Variants in CD33 observed in about 807,000 individuals in gnomAD.
CD33 encodes myeloid cell surface antigen CD33.
CD33 carries 25 observed loss-of-function variants against 31.4 expected under a neutral mutation model. The ratio of observed to expected loss-of-function variants is 0.80; its 90% CI spans 0.58 to 1.11. The LOEUF is 1.11. Among genes scored for constraint, CD33 ranks in the 50% most tolerant of loss-of-function variants. The probability of loss-of-function intolerance (pLI) is 0.00; values close to 1 mark genes in which losing one functional copy is unlikely to be tolerated. For missense variants in CD33, 407 were observed against 448.1 expected (o/e 0.91, Z 0.83); for synonymous variants, 176 against 180.6 (o/e 0.97, Z 0.20).
chr19:51,211,812 A>T, the CD33 span: 1 of 921,806 alleles, frequency 1.1e-6, no homozygotes, highest in Non-Finnish European at 1.8e-6. Flanking sequence ...CAGGCCCAGC[A>T]TCTTCATCCC....
At chr19:51,223,019 G>A (rs993479165), upstream of CD33, among the ~76,000 whole-genome samples, 1 of 152,078 alleles carries the variant, frequency 6.6e-6, no homozygotes, top group Non-Finnish European at 1.5e-5. Flanking sequence ...TTCAAGATCA[G>A]CCTGGGGGAA....
chr19:51,211,806 C>T, the CD33 span: 1 of 889,676 alleles, frequency 1.1e-6, no homozygotes, highest in Non-Finnish European at 1.9e-6. Flanking sequence ...GACCCACAGG[C>T]CCAGCATCTT....
At chr19:51,218,313 CT>C in the CD33 span, among the ~76,000 whole-genome samples, 1 of 152,210 alleles carries the variant, frequency 6.6e-6, no homozygotes, top group Non-Finnish European at 1.5e-5. Context: ...TTCTTGGCCA[CT>C]TGTATGTCTT....
chr19:51,219,006 G>T, the CD33 span, among the ~76,000 whole-genome samples: 1 of 151,740 alleles, frequency 6.6e-6, no homozygotes, highest in African/African-American at 2.4e-5. Context: ...TGGTAATTTG[G>T]GTTCTTTTTG....
chr19:51,212,717 T>C, the CD33 span, among the ~76,000 whole-genome samples: 3 of 152,184 alleles, frequency 2.0e-5, no homozygotes, highest in African/African-American at 7.2e-5. Context: ...TACAGTCTCA[T>C]GGGAAGAACT....
the CD33 span, chr19:51,211,729 G>T: frequency 2.6e-6 from 2 of 781,304 alleles, no homozygotes; most frequent in East Asian, 4.9e-5. Flanking sequence ...CAGAACCTGA[G>T]CTTCCCTCAG....
intron 2 of CD33, 91 bp downstream of exon 2, chr19:51,225,689 TA>T: frequency 2.6e-6 from 4 of 1,535,316 alleles, no homozygotes; most frequent in Non-Finnish European, 3.5e-6. Flanking sequence ...GGGAGGGGTT[TA>T]GGGGTAAAGC....
At chr19:51,224,932 G>A (rs566557404), upstream of CD33, 25 of 713,748 alleles carry the variant, frequency 3.5e-5, no homozygotes, top group Middle Eastern at 7.8e-4. Flanking sequence ...GGCATCTCTG[G>A]CCCATGAGGG....
upstream of CD33, among the ~76,000 whole-genome samples, chr19:51,224,598 A>G (rs1980853335): frequency 6.6e-6 from 1 of 152,176 alleles, no homozygotes; most frequent in Admixed American, 6.5e-5. Flanking sequence ...ATGAATGAAT[A>G]AATGAATGGC....
chr19:51,239,764 G>A lies in CD33; in HGVS notation c.*76G>A, dbSNP rs1327799303. The stretch of plus-strand genomic sequence containing the variant: ...GTCGGGGACCAAAGGCTGATTCTTG[G>A]AGATTTAACACCCCACAGGCAATGG... On this transcript the variant is annotated 3_prime_UTR_variant, in exon 7 of 7. Transcript: ENST00000262262. 2 of 1,209,202 alleles carry A rather than the reference G, an allele frequency of 1.7e-6. No individual in the cohort carries two copies. The highest frequency in any genetic ancestry group is 1.5e-5 in the African/African-American group (1 of 65,492). The allele number at this position is 1,209,202 out of a possible 1,614,324, so 74.9% of individuals were successfully genotyped here.
intron 4 of CD33, among the ~76,000 whole-genome samples, chr19:51,234,316 G>A (rs976033947): frequency 1.2e-4 from 18 of 152,106 alleles, no homozygotes; most frequent in Admixed American, 4.6e-4. Flanking sequence ...TTACATTAAA[G>A]TTCACTCTTG....
At chr19:51,212,821 C>T in the CD33 span, among the ~76,000 whole-genome samples, 4 of 152,184 alleles carry the variant, frequency 2.6e-5, no homozygotes, top group Non-Finnish European at 5.9e-5. Flanking sequence ...TTGGTGTGTT[C>T]ACCTGAAGGA....
chr19:51,235,954 T>G (rs573035152), intron 6 of CD33: 10 of 693,262 alleles, frequency 1.4e-5, no homozygotes, highest in East Asian at 5.4e-5. Context: ...GTCAGGAGAT[T>G]GAGACTATCC....
chr19:51,221,609 C>T (rs1980690583), upstream of CD33, among the ~76,000 whole-genome samples: 1 of 152,172 alleles, frequency 6.6e-6, no homozygotes, highest in Admixed American at 6.5e-5. Flanking sequence ...TAAATTTAAA[C>T]TGAACACTTA....
chr19:51,239,458 C>A, intron 6 of CD33, 60 bp from the exon 7 acceptor site: 1 of 1,335,082 alleles, frequency 7.5e-7, no homozygotes. Context: ...ACCCTCTTTG[C>A]CTTCTCCTGG....
chr19:51,217,517 C>A, the CD33 span, among the ~76,000 whole-genome samples: 2 of 151,242 alleles, frequency 1.3e-5, no homozygotes, highest in African/African-American at 4.9e-5. Context: ...TCAAGCTATT[C>A]TCCTGCCTCA....
chr19:51,224,404 C>T (rs1184544566), upstream of CD33, among the ~76,000 whole-genome samples: 1 of 152,290 alleles, frequency 6.6e-6, no homozygotes, highest in East Asian at 1.9e-4. Context: ...TCTCCCCCTA[C>T]CTCCCTCTGT....
chr19:51,214,953 C>A, the CD33 span, among the ~76,000 whole-genome samples: 3 of 152,186 alleles, frequency 2.0e-5, no homozygotes, highest in East Asian at 1.9e-4. Flanking sequence ...GTCTGGAGAA[C>A]CTTCCTTTTC....
the CD33 span, among the ~76,000 whole-genome samples, chr19:51,214,285 G>A: frequency 1.4e-5 from 2 of 139,084 alleles, no homozygotes; most frequent in African/African-American, 2.7e-5. Flanking sequence ...TGCAACCTCT[G>A]CCTCCAGGTT....
Sources: gnomAD v4.1 joint callset for allele counts (sites outside exome capture counted in the v4.1 genomes callset) on GRCh38, gnomAD v4.1.1 for gene constraint, MANE v1.5 for transcripts, NCBI Gene and HGNC (gene_info 2026-07-23, HGNC 2026-07-21) for gene names.